Variants in PDZRN4 observed in about 807,000 individuals in gnomAD.
PDZRN4 encodes PDZ domain containing ring finger 4.
A neutral mutation model predicts 99.0 loss-of-function variants in PDZRN4; 70 were observed. The observed-to-expected ratio is 0.71, with a 90% CI of 0.58 to 0.86. The LOEUF (loss-of-function observed/expected upper bound fraction) is 0.86. Among genes scored for constraint, PDZRN4 ranks in the 40% least tolerant of loss-of-function variants. PDZRN4 has a pLI of 0.00. For missense variants in PDZRN4, 1,474 were observed against 1,331.2 expected (o/e 1.11, Z -1.67); for synonymous variants, 551 against 501.6 (o/e 1.10, Z -1.32).
chr12:41,379,565 T>C (rs73274435), intron 3 of PDZRN4, among the ~76,000 whole-genome samples: 5,837 of 151,890 alleles, frequency 0.038, 381 homozygotes, highest in African/African-American at 0.13. Context: ...TCCATTTTTG[T>C]TCATATCACA....
At position 41,266,960 on chromosome 12, in the gene PDZRN4, T is replaced by C. The variant is rs1350155636; in HGVS notation, c.843+72772T>C. ...ATATTTCCAGAATTATATCAGGTTG[T>C]CCATCCGTCTGTCCATCTATACAGT... On this transcript the variant is annotated intron_variant, in intron 3 of 9. Transcript: ENST00000402685. Among the ~76,000 whole-genome samples the C allele has an allele frequency of 2.6e-5, 4 of 152,180 alleles. No individual in the cohort carries two copies. The East Asian group carries it at 5.8e-4, about 22-fold the overall frequency.
At chr12:41,315,552 G>C (rs1048364157) in intron 3 of PDZRN4, among the ~76,000 whole-genome samples, 1 of 151,900 alleles carries the variant, frequency 6.6e-6, no homozygotes, top group Non-Finnish European at 1.5e-5. Flanking sequence ...TTTTAATCTT[G>C]GTTAGTATAA....
At chr12:41,396,956 G>A (rs1468778391) in intron 3 of PDZRN4, among the ~76,000 whole-genome samples, 1 of 151,998 alleles carries the variant, frequency 6.6e-6, no homozygotes, top group Non-Finnish European at 1.5e-5. Context: ...CTTATTAGCT[G>A]TTACTTTATG....
intron 3 of PDZRN4, among the ~76,000 whole-genome samples, chr12:41,286,799 A>G (rs1951425526): frequency 6.6e-6 from 1 of 152,146 alleles, no homozygotes; most frequent in East Asian, 1.9e-4. Flanking sequence ...AATGACTCTG[A>G]TGATGTATTA....
At chr12:41,465,826 T>A (rs1250123570) in intron 3 of PDZRN4, among the ~76,000 whole-genome samples, 1 of 152,238 alleles carries the variant, frequency 6.6e-6, no homozygotes, top group Non-Finnish European at 1.5e-5. Flanking sequence ...CACCCAGTGA[T>A]ACTTATATAA....
At chr12:41,278,835 GA>G (rs1381177488) in intron 3 of PDZRN4, among the ~76,000 whole-genome samples, 3 of 152,276 alleles carry the variant, frequency 2.0e-5, no homozygotes, top group East Asian at 1.9e-4. Flanking sequence ...GGATTAAATG[GA>G]GGGTCTCAGT....
chr12:41,194,209 G>A, intron 3 of PDZRN4, 21 bp downstream of exon 3: 1 of 1,033,942 alleles, frequency 9.7e-7, no homozygotes. Context: ...GATAAAACAT[G>A]TATATGATCC....
At chr12:41,283,617 A>C (rs1395608731) in intron 3 of PDZRN4, among the ~76,000 whole-genome samples, 1 of 152,190 alleles carries the variant, frequency 6.6e-6, no homozygotes, top group Non-Finnish European at 1.5e-5. Context: ...TCAATAAAAC[A>C]CTGGCAAACC....
intron 3 of PDZRN4, among the ~76,000 whole-genome samples, chr12:41,287,492 G>T (rs946567773): frequency 6.6e-6 from 1 of 152,158 alleles, no homozygotes; most frequent in African/African-American, 2.4e-5. Context: ...TACTAAATTT[G>T]TTTGCAAAGA....
chr12:41,308,227 G>A (rs930259172), intron 3 of PDZRN4, among the ~76,000 whole-genome samples: 4 of 151,838 alleles, frequency 2.6e-5, no homozygotes, highest in Admixed American at 6.6e-5. Context: ...GATAATATAC[G>A]TGTTTTTGAG....
intron 3 of PDZRN4, among the ~76,000 whole-genome samples, chr12:41,229,602 T>C (rs1256977620): frequency 6.6e-6 from 1 of 152,110 alleles, no homozygotes; most frequent in Non-Finnish European, 1.5e-5. Context: ...AGTTCTGGTA[T>C]CTGCTTTCCT....
chr12:41,516,426 T>C (rs546333560), intron 5 of PDZRN4, among the ~76,000 whole-genome samples: 1 of 152,210 alleles, frequency 6.6e-6, no homozygotes, highest in South Asian at 2.1e-4. Context: ...TACAAAGTGC[T>C]AAATTGGGGG....
intron 3 of PDZRN4, among the ~76,000 whole-genome samples, chr12:41,437,443 A>G (rs1021834984): frequency 1.3e-5 from 2 of 152,132 alleles, no homozygotes; most frequent in Admixed American, 6.5e-5. Flanking sequence ...AATTAAGTGT[A>G]TGTTTTTTTT....
intron 3 of PDZRN4, among the ~76,000 whole-genome samples, chr12:41,235,034 T>C (rs543546192): frequency 6.6e-6 from 1 of 152,216 alleles, no homozygotes; most frequent in Non-Finnish European, 1.5e-5. Context: ...AAACACACAG[T>C]CCTTTAGAAA....
At chr12:41,456,958 C>CA (rs1952821292) in intron 3 of PDZRN4, among the ~76,000 whole-genome samples, 1 of 152,144 alleles carries the variant, frequency 6.6e-6, no homozygotes, top group African/African-American at 2.4e-5. Flanking sequence ...CCTAAGTTTG[C>CA]AGCCATAGTG....
intron 3 of PDZRN4, among the ~76,000 whole-genome samples, chr12:41,220,188 C>T (rs1163280868): frequency 1.3e-5 from 2 of 152,116 alleles, no homozygotes; most frequent in African/African-American, 4.8e-5. Context: ...AATGTAATTT[C>T]TCACAGTTTT....
chr12:41,423,314 G>T (rs1251068952), intron 3 of PDZRN4, among the ~76,000 whole-genome samples: 1 of 151,754 alleles, frequency 6.6e-6, no homozygotes, highest in African/African-American at 2.4e-5. Flanking sequence ...TCCCCTGACA[G>T]GCCCCAGTGT....
At chr12:41,528,519 T>G (rs1450913155) in intron 5 of PDZRN4, among the ~76,000 whole-genome samples, 3 of 152,220 alleles carry the variant, frequency 2.0e-5, no homozygotes, top group Non-Finnish European at 4.4e-5. Context: ...GCCCACTGTG[T>G]GGTCATCAGC....
At chr12:41,498,241 C>G (rs1938045901) in intron 3 of PDZRN4, among the ~76,000 whole-genome samples, 1 of 152,052 alleles carries the variant, frequency 6.6e-6, no homozygotes, top group Non-Finnish European at 1.5e-5. Context: ...CACACCACCA[C>G]TTCTGGACAT....
Sources: allele counts gnomAD v4.1 joint callset (sites outside exome capture counted in the v4.1 genomes callset), GRCh38; gene constraint gnomAD v4.1.1; transcripts MANE v1.5; gene names NCBI Gene and HGNC (gene_info 2026-07-23, HGNC 2026-07-21).